COL6A5: variants seen among roughly 807,000 people sequenced by gnomAD.
COL6A5 encodes the protein collagen alpha-5(VI) chain.
A neutral mutation model predicts 65.6 loss-of-function variants in COL6A5; 48 were observed. The observed-to-expected ratio is 0.73, with a 90% CI of 0.58 to 0.93. The LOEUF (loss-of-function observed/expected upper bound fraction) is 0.93, where lower values mean the gene tolerates loss of function less well. COL6A5 is among the 40% of genes least tolerant of loss of function. The pLI is 0.00. For synonymous variants in COL6A5, 291 were observed against 322.8 expected, an observed-to-expected ratio of 0.90 and a Z score of 1.05; for missense variants, 914 against 928.3, an observed-to-expected ratio of 0.98 and a Z score of 0.20.
At chr3:130,460,687 A>G (rs575630988) in intron 5 of COL6A5, among the ~76,000 whole-genome samples, 1 of 151,872 alleles carries the variant, frequency 6.6e-6, no homozygotes, top group South Asian at 2.1e-4. Flanking sequence ...AGATGATGGT[A>G]GTGAAGGTGT....
At chr3:130,440,094 C>T in intron 2 of COL6A5, 72 bp from the exon 35 acceptor site, 1 of 1,216,452 alleles carries the variant, frequency 8.2e-7, no homozygotes, top group Admixed American at 2.6e-5. Context: ...CACTGAGTCA[C>T]TTGAAGATCT....
intron 1 of COL6A5, among the ~76,000 whole-genome samples, chr3:130,369,654 C>T (rs1336481418): frequency 6.6e-6 from 1 of 152,068 alleles, no homozygotes; most frequent in Non-Finnish European, 1.5e-5. Flanking sequence ...TATTTTTGAC[C>T]AAAGGAATGC....
At chr3:130,479,055 T>C (rs1449960231) in intron 7 of COL6A5, among the ~76,000 whole-genome samples, 5 of 152,028 alleles carry the variant, frequency 3.3e-5, no homozygotes. Flanking sequence ...AATGTTTGTG[T>C]TCCCCCAAAG....
chr3:130,432,379 T>C (rs1041989572), intron 1 of COL6A5, among the ~76,000 whole-genome samples: 13 of 151,966 alleles, frequency 8.6e-5, no homozygotes, highest in Non-Finnish European at 1.8e-4. Flanking sequence ...ATGGTGAAAC[T>C]TCATCTCTAC....
chr3:130,371,001 A>G (rs989508818), intron 1 of COL6A5, among the ~76,000 whole-genome samples: 7 of 152,188 alleles, frequency 4.6e-5, no homozygotes, highest in African/African-American at 1.7e-4. Context: ...AGACCAGCTT[A>G]ATCTTACTCT....
rs774526952 is a variant in COL6A5, at chr3:130,443,550, C to T, written c.1318C>T (p.Gln440Ter). 6.4e-5 allele frequency: 103 copies of T among 1,607,646 alleles called. No homozygotes were observed. Among genetic ancestry groups the T allele is most frequent in the South Asian group, 2.9e-4 (26 of 90,888 alleles). ...CATCAATTTAGGAGGAGAGAATATT[C>T]AAAATGATGGTTTCCAGTAAGTTAG... is the stretch of plus-strand genomic sequence containing the variant. The change falls in exon 4 of 8, where the codon CAA becomes TAA. Residue 440 changes from glutamine to a stop codon, truncating the protein, a stop_gained. Transcript: ENST00000512836. LOFTEE classifies it high-confidence loss of function.
At position 130,379,072 on chromosome 3, in the gene COL6A5, A is replaced by G. The variant is rs369692925; in HGVS notation, c.668-346A>G. On this transcript the variant is annotated intron_variant and NMD_transcript_variant, in intron 3 of 41. Coordinates refer to the COL6A5 transcript ENST00000312481. ...ACTAGTAGTGAAGGTAGTGGTGACG[A>G]TGGTGGTGGTCGTGGTGGAGGTGGA... Among the ~76,000 whole-genome samples the G allele has an allele frequency of 2.6e-4, 22 of 84,022 alleles. No individual in the cohort carries two copies. The East Asian group carries it at 9.5e-3, about 36-fold the overall frequency. 55.1% of individuals were successfully genotyped at this position (84,022 alleles called of 152,430 possible). A position where few individuals can be genotyped will look rare whatever the true frequency, so the allele number is the denominator to read the frequency against.
exon 7 of COL6A5, chr3:130,391,206 T>A (rs750635071): frequency 6.4e-7 from 1 of 1,551,348 alleles, no homozygotes. Flanking sequence ...CTACTAGACG[T>A]TGTGTTTGTG....
At chr3:130,404,340 C>G (rs1441090861) in intron 13 of COL6A5, among the ~76,000 whole-genome samples, 1 of 152,180 alleles carries the variant, frequency 6.6e-6, no homozygotes, top group Non-Finnish European at 1.5e-5. Context: ...TTTCTATCAC[C>G]TTAGATCAAG....
At chr3:130,420,063 G>A (rs1937480988) in intron 25 of COL6A5, among the ~76,000 whole-genome samples, 1 of 151,998 alleles carries the variant, frequency 6.6e-6, no homozygotes, top group African/African-American at 2.4e-5. Flanking sequence ...TTAAATGGTT[G>A]TAGAATGGTC....
Position 130,421,364 on chromosome 3 carries a change from T to C in COL6A5, c.5037+4T>C. The stretch of plus-strand genomic sequence containing the variant: ...CCCTGGAGATGCGGGGCAGAAGGTA[T>C]TGTATGCATGACCTTTTGAAATTAC... On this transcript the variant is annotated splice_donor_region_variant and intron_variant and NMD_transcript_variant, in intron 27 of 41. Transcript: ENST00000312481. 1 of 1,550,590 alleles carries C rather than the reference T, an allele frequency of 6.4e-7. No homozygotes were observed. The highest frequency in any genetic ancestry group is 8.7e-7 in the Non-Finnish European group (1 of 1,146,146).
intron 5 of COL6A5, among the ~76,000 whole-genome samples, chr3:130,460,635 C>T (rs954528997): frequency 6.6e-6 from 1 of 151,460 alleles, no homozygotes; most frequent in Admixed American, 6.6e-5. Context: ...GTGATGGAGG[C>T]GGTGGTGATG....
intron 7 of COL6A5, chr3:130,477,215 G>A (rs923096686): frequency 8.9e-6 from 6 of 675,838 alleles, no homozygotes; most frequent in Non-Finnish European, 1.5e-5. Context: ...AGTTGAAGAT[G>A]ATGCATATAA....
At chr3:130,443,345 C>T (rs537519684) in intron 3 of COL6A5, 131 bp from the exon 36 acceptor site, 91 of 618,134 alleles carry the variant, frequency 1.5e-4, no homozygotes, top group African/African-American at 1.2e-3. Flanking sequence ...TCTGTTTTCA[C>T]CCCAGCCAAA....
chr3:130,391,439 A>G (rs1216456017), exon 7 of COL6A5: 4 of 1,551,594 alleles, frequency 2.6e-6, no homozygotes, highest in African/African-American at 1.4e-5. Context: ...GAACACCTAC[A>G]CTGCCAAGGC....
intron 25 of COL6A5, among the ~76,000 whole-genome samples, chr3:130,419,731 CAG>C (rs1559892780): frequency 2.0e-5 from 3 of 151,994 alleles, no homozygotes; most frequent in African/African-American, 7.2e-5. Flanking sequence ...ATCATAGAAA[CAG>C]AGAATTAAAA....
intron 10 of COL6A5, among the ~76,000 whole-genome samples, chr3:130,400,522 G>A (rs1410182266): frequency 6.6e-6 from 1 of 152,164 alleles, no homozygotes; most frequent in African/African-American, 2.4e-5. Context: ...TGAACTGGAT[G>A]TGGTCAGGAG....
chr3:130,372,459 C>A (rs983209147), intron 1 of COL6A5, among the ~76,000 whole-genome samples: 21 of 151,754 alleles, frequency 1.4e-4, no homozygotes, highest in Middle Eastern at 6.8e-3. Context: ...ATATATATAT[C>A]TATATCCATA....
At chr3:130,354,472 A>T (rs1164292556) in intron 1 of COL6A5, among the ~76,000 whole-genome samples, 1 of 152,142 alleles carries the variant, frequency 6.6e-6, no homozygotes, top group African/African-American at 2.4e-5. Context: ...TTCTTACTCA[A>T]AGTGTTTTCC....
Sources: gnomAD v4.1 joint callset for allele counts (sites outside exome capture counted in the v4.1 genomes callset) on GRCh38, gnomAD v4.1.1 for gene constraint, MANE v1.5 for transcripts, NCBI Gene and HGNC (gene_info 2026-07-23, HGNC 2026-07-21) for gene names.